SHPK: variants seen among roughly 807,000 people sequenced by gnomAD.
The protein encoded by SHPK is sedoheptulokinase.
Under a neutral mutation model 46.3 loss-of-function variants are expected in SHPK, and 51 were observed. The ratio of observed to expected loss-of-function variants is 1.10; its 90% CI spans 0.88 to 1.39. The LOEUF (loss-of-function observed/expected upper bound fraction) is 1.39, where lower values mean the gene tolerates loss of function less well. Ranked by LOEUF, SHPK falls within the 40% of genes most tolerant of loss-of-function variation. The pLI is 0.00. For synonymous variants in SHPK, 290 were observed against 273.9 expected, an observed-to-expected ratio of 1.06 and a Z score of -0.58; for missense variants, 668 against 641.3, an observed-to-expected ratio of 1.04 and a Z score of -0.45.
intron 4 of SHPK, 73 bp downstream of exon 4, chr17:3,623,264 CCA>C (rs2075413248): frequency 6.5e-7 from 1 of 1,535,114 alleles, no homozygotes; most frequent in Admixed American, 1.7e-5. Context: ...GGGAAAGCAC[CCA>C]CTGAAGCACT....
At chr17:3,631,399 C>T (rs995553858) in intron 1 of SHPK, among the ~76,000 whole-genome samples, 3 of 150,954 alleles carry the variant, frequency 2.0e-5, no homozygotes, top group Non-Finnish European at 2.9e-5. Context: ...CCCTCACTGT[C>T]CAATACTGAA....
At chr17:3,631,707 G>C (rs1293135003) in intron 1 of SHPK, among the ~76,000 whole-genome samples, 1 of 151,182 alleles carries the variant, frequency 6.6e-6, no homozygotes, top group East Asian at 1.9e-4. Flanking sequence ...ATTTTTAGTA[G>C]AGACGGGGTT....
At chr17:3,616,421 G>A (rs8079139) in intron 5 of SHPK, among the ~76,000 whole-genome samples, 23,564 of 152,118 alleles carry the variant, frequency 0.15, 5,122 homozygotes, top group African/African-American at 0.49. Flanking sequence ...AGCATCAAGC[G>A]TGGGCTCAGA....
At chr17:3,620,631 A>G (rs1167221440) in intron 5 of SHPK, among the ~76,000 whole-genome samples, 2 of 151,258 alleles carry the variant, frequency 1.3e-5, no homozygotes, top group Non-Finnish European at 2.9e-5. Flanking sequence ...ATGTGATCTC[A>G]GCTCACTGAA....
At chr17:3,618,914 G>A (rs977136325) in intron 5 of SHPK, among the ~76,000 whole-genome samples, 14 of 152,100 alleles carry the variant, frequency 9.2e-5, no homozygotes, top group African/African-American at 3.1e-4. Context: ...AGTTCTCCTG[G>A]GTGTATTTCT....
intron 1 of SHPK, among the ~76,000 whole-genome samples, chr17:3,631,517 T>TTTTTTTTTTTTTG (rs2075471977): frequency 8.9e-6 from 1 of 112,872 alleles, no homozygotes; most frequent in African/African-American, 3.6e-5. Context: ...TAATGCTTTT[T>TTTTTTTTTTTTTG]TTTTTTTTTT....
At chr17:3,629,986 C>A (rs533027087) in intron 2 of SHPK, among the ~76,000 whole-genome samples, 1 of 152,138 alleles carries the variant, frequency 6.6e-6, no homozygotes, top group Admixed American at 6.6e-5. Context: ...TCGTGGATAA[C>A]GTGCTGATGA....
intron 4 of SHPK, 73 bp from the exon 5 acceptor site, chr17:3,621,485 T>TCCTC (rs1246083560): frequency 1.4e-6 from 2 of 1,385,728 alleles, no homozygotes; most frequent in Non-Finnish European, 2.0e-6. Flanking sequence ...CTTCCTTCCT[T>TCCTC]CCTCCCTTCC....
chr17:3,619,462 C>T (rs1047537752), intron 5 of SHPK: 155 of 1,150,154 alleles, frequency 1.3e-4, no homozygotes, highest in East Asian at 2.5e-4. Flanking sequence ...AGGCCGGGCA[C>T]GATGGCTCAC....
chr17:3,616,356 G>A (rs990198016), intron 5 of SHPK, among the ~76,000 whole-genome samples: 10 of 152,286 alleles, frequency 6.6e-5, no homozygotes, highest in South Asian at 2.1e-4. Context: ...GTGCCACGTC[G>A]TGAGCAGCCC....
At chr17:3,624,534 G>C (rs1250977099) in intron 2 of SHPK, among the ~76,000 whole-genome samples, 2 of 152,046 alleles carry the variant, frequency 1.3e-5, no homozygotes, top group East Asian at 3.8e-4. Flanking sequence ...ACAATCTCAA[G>C]TCCCCTGGTC....
chr17:3,620,515 C>G (rs1295345673), intron 5 of SHPK, among the ~76,000 whole-genome samples: 3 of 151,796 alleles, frequency 2.0e-5, no homozygotes, highest in African/African-American at 7.3e-5. Flanking sequence ...ATCCACCTGC[C>G]TTGGCCTCCC....
intron 2 of SHPK, among the ~76,000 whole-genome samples, chr17:3,627,302 C>G (rs1005373924): frequency 6.6e-6 from 1 of 152,076 alleles, no homozygotes; most frequent in Non-Finnish European, 1.5e-5. Flanking sequence ...TGGAAACAGG[C>G]GTAACCACAG....
chr17:3,621,981 A>T (rs224509), intron 4 of SHPK, among the ~76,000 whole-genome samples: 3 of 150,118 alleles, frequency 2.0e-5, no homozygotes, highest in Admixed American at 1.3e-4. Context: ...GACAGGGTCT[A>T]GCTCTGTTAC....
chr17:3,618,720 C>T (rs1237249022), intron 5 of SHPK, among the ~76,000 whole-genome samples: 1 of 151,480 alleles, frequency 6.6e-6, no homozygotes, highest in East Asian at 1.9e-4. Flanking sequence ...GCGGAGGTTG[C>T]AGTGAGCTGA....
At chr17:3,626,559 T>C (rs138154543) in intron 2 of SHPK, among the ~76,000 whole-genome samples, 2 of 151,334 alleles carry the variant, frequency 1.3e-5, no homozygotes, top group East Asian at 3.9e-4. Context: ...CTGCTAAAAA[T>C]ACCGAAAAAA....
At chr17:3,611,082 C>T in intron 6 of SHPK, 110 bp from the exon 7 acceptor site, 1 of 1,020,006 alleles carries the variant, frequency 9.8e-7, no homozygotes, top group Non-Finnish European at 1.4e-6. Context: ...TGCTTCTCCT[C>T]CCGCTGCAGC....
Position 3,615,526 on chromosome 17 carries a change from T to C in SHPK, c.835A>G (p.Ser279Gly). 1 of 1,614,122 alleles carries C rather than the reference T, an allele frequency of 6.2e-7. No individual in the cohort carries two copies. The highest frequency in any genetic ancestry group is 1.3e-5 in the African/African-American group (1 of 75,048). ...AQRTDAVLNI[S>G]TSVQLAASMP... ...GAGGCTGCCAGCTGAACCGAGGTGC[T>C]GATGTTGAGAACTGGGGTCCGAAGA... Residue 279 changes from serine (S) to glycine (G), a missense_variant, in exon 6 of 7, where the codon AGC (serine) becomes GGC (glycine). By Grantham distance (56) the Ser-to-Gly change is moderately conservative. Coordinates refer to ENST00000225519, the MANE Select transcript of SHPK (RefSeq NM_013276.4).
chr17:3,628,787 T>C (rs372821481), intron 2 of SHPK, among the ~76,000 whole-genome samples: 1 of 152,240 alleles, frequency 6.6e-6, no homozygotes. Context: ...TAGCTGGGAC[T>C]ATAAACATGT....
Sources: gnomAD v4.1 joint callset for allele counts (sites outside exome capture counted in the v4.1 genomes callset) on GRCh38, gnomAD v4.1.1 for gene constraint, MANE v1.5 for transcripts, NCBI Gene and HGNC (gene_info 2026-07-23, HGNC 2026-07-21) for gene names.